TINAG: variants seen among roughly 807,000 people sequenced by gnomAD.
TINAG encodes the protein tubulointerstitial nephritis antigen.
In TINAG, 83 loss-of-function variants were observed where a neutral mutation model predicts 72.7. That is an observed-to-expected ratio of 1.14 (90% CI 0.96 to 1.37). The LOEUF (loss-of-function observed/expected upper bound fraction) is 1.37. Among genes scored for constraint, TINAG ranks in the 40% most tolerant of loss-of-function variants. The probability of loss-of-function intolerance (pLI) is 0.00; values close to 1 mark genes in which losing one functional copy is unlikely to be tolerated. For synonymous variants in TINAG, 234 were observed against 189.9 expected (o/e 1.23, Z -1.91); for missense variants, 685 against 576.6 (o/e 1.19, Z -1.93).
chr6:54,379,074 G>A (rs993910507), intron 9 of TINAG, among the ~76,000 whole-genome samples: 21 of 152,122 alleles, frequency 1.4e-4, no homozygotes. Context: ...TTCTAGGAAT[G>A]TTTGTTCTGT....
At chr6:54,315,402 C>T (rs932414784) in intron 1 of TINAG, among the ~76,000 whole-genome samples, 31 of 152,108 alleles carry the variant, frequency 2.0e-4, no homozygotes, top group African/African-American at 7.0e-4. Flanking sequence ...GGTGTGGTGG[C>T]TCACACCTGT....
At chr6:54,309,205 C>G (rs1784182742) in intron 1 of TINAG, among the ~76,000 whole-genome samples, 1 of 152,084 alleles carries the variant, frequency 6.6e-6, no homozygotes, top group Non-Finnish European at 1.5e-5. Context: ...TAAACTCTTT[C>G]TTCTGTTCTC....
At position 54,355,937 on chromosome 6, in the gene TINAG, T is replaced by G. The variant is rs142052543; in HGVS notation, c.1250+1301T>G. 5.7e-3 allele frequency among the ~76,000 whole-genome samples: 872 copies of G among 152,032 alleles called. 11 individuals carry two copies. Among genetic ancestry groups the G allele is most frequent in the African/African-American group, 0.02 (829 of 41,526 alleles). On this transcript the variant is annotated intron_variant, in intron 9 of 10. Transcript: ENST00000259782. Reference sequence around the variant, plus strand: ...AGATAGTGCAGTACTTCAAATTTTTTGAAAAGGAAAATTTTGCTAATGTTT... The same window carrying G: ...AGATAGTGCAGTACTTCAAATTTTTGGAAAAGGAAAATTTTGCTAATGTTT...
intron 8 of TINAG, among the ~76,000 whole-genome samples, chr6:54,353,898 C>T (rs970441417): frequency 1.3e-5 from 2 of 151,800 alleles, no homozygotes; most frequent in Admixed American, 1.3e-4. Context: ...AAGCAGCACA[C>T]AATAGAGAGA....
intron 5 of TINAG, among the ~76,000 whole-genome samples, chr6:54,344,244 C>A (rs1385415998): frequency 6.6e-6 from 1 of 152,168 alleles, no homozygotes; most frequent in Non-Finnish European, 1.5e-5. Context: ...CAGAGAAATG[C>A]TGACATCTTT....
At chr6:54,374,572 A>G (rs369016883) in intron 9 of TINAG, among the ~76,000 whole-genome samples, 16 of 152,138 alleles carry the variant, frequency 1.1e-4, no homozygotes, top group African/African-American at 3.6e-4. Context: ...TAGAACATGT[A>G]TAAGAAAATA....
chr6:54,328,866 G>C (rs112248036), intron 4 of TINAG, among the ~76,000 whole-genome samples: 3 of 151,620 alleles, frequency 2.0e-5, no homozygotes, highest in Non-Finnish European at 4.4e-5. Context: ...GCAGAAGAAA[G>C]GATATGAGAG....
intron 6 of TINAG, among the ~76,000 whole-genome samples, chr6:54,348,743 T>C (rs1429972640): frequency 6.6e-6 from 1 of 152,156 alleles, no homozygotes; most frequent in African/African-American, 2.4e-5. Context: ...CTTCAACATA[T>C]GAATTTTAAA....
At chr6:54,361,868 G>C (rs1437694345) in intron 9 of TINAG, among the ~76,000 whole-genome samples, 1 of 151,642 alleles carries the variant, frequency 6.6e-6, no homozygotes, top group African/African-American at 2.4e-5. Context: ...AAGTTTTAGT[G>C]GACTGGAAAG....
chr6:54,387,651 T>G (rs1193804594), intron 10 of TINAG, among the ~76,000 whole-genome samples: 1 of 152,150 alleles, frequency 6.6e-6, no homozygotes, highest in Non-Finnish European at 1.5e-5. Context: ...CATAAACACA[T>G]GTATAAATTT....
intron 9 of TINAG, among the ~76,000 whole-genome samples, chr6:54,364,633 A>G (rs933781336): frequency 2.0e-5 from 3 of 151,428 alleles, no homozygotes; most frequent in Admixed American, 6.6e-5. Context: ...TAAAAAAGTA[A>G]TTATGTAATA....
At position 54,326,807 on chromosome 6, in the gene TINAG, C is replaced by A. The variant is rs1234448210; in HGVS notation, c.515C>A (p.Thr172Lys). Reference protein sequence around the residue: ...EQVNKGDYGWTAQNYSQFWGM... With the variant: ...EQVNKGDYGWKAQNYSQFWGM... The stretch of plus-strand genomic sequence containing the variant: ...TTCTCTCATTTGTAAGGCAGATGGA[C>A]AGCACAGAATTACAGCCAATTTTGG... Residue 172 changes from threonine to lysine, a missense_variant, in exon 4 of 11, where the codon ACA (threonine) becomes AAA (lysine). Physicochemically the swap from Thr to Lys is moderately conservative, Grantham distance 78. Coordinates refer to ENST00000259782, the MANE Select transcript of TINAG (RefSeq NM_014464.4). 1.2e-6 allele frequency: 2 copies of A among 1,602,042 alleles called. No individual in the cohort carries two copies. The highest frequency in any genetic ancestry group is 1.7e-6 in the Non-Finnish European group (2 of 1,176,390).
intron 4 of TINAG, among the ~76,000 whole-genome samples, chr6:54,337,663 C>T (rs1055488589): frequency 6.6e-6 from 1 of 152,070 alleles, no homozygotes; most frequent in Non-Finnish European, 1.5e-5. Context: ...CTGTGGAAAC[C>T]AAAACGTTCA....
chr6:54,308,764 A>C lies in TINAG; in HGVS notation c.214A>C (p.Thr72Pro). ...TGAAGACAGAGATGATGGCTGTGTC[A>C]CTGAGTTCTATGCGGCGAATGCGTT... ...CCEDRDDGCVTEFYAANALCY... is the reference protein window; with the variant it reads ...CCEDRDDGCVPEFYAANALCY... Residue 72 changes from threonine to proline, a missense_variant, in exon 1 of 11, where the codon ACT (threonine) becomes CCT (proline). Transcript: ENST00000259782. 1 of 1,613,894 alleles carries C rather than the reference A, an allele frequency of 6.2e-7. No individual in the cohort carries two copies. The highest frequency in any genetic ancestry group is 8.5e-7 in the Non-Finnish European group (1 of 1,179,892).
intron 9 of TINAG, among the ~76,000 whole-genome samples, chr6:54,355,041 T>A (rs1244717292): frequency 1.3e-5 from 2 of 151,952 alleles, no homozygotes; most frequent in African/African-American, 4.8e-5. Flanking sequence ...TATAATTCAA[T>A]ATAAGGTTAC....
In TINAG at chr6:54,308,775, T is replaced by G; in HGVS notation, c.225T>G (p.Tyr75Ter). Reference sequence around the variant, plus strand: ...ATGATGGCTGTGTCACTGAGTTCTATGCGGCGAATGCGTTGTGCTACTGTG... The same window carrying G: ...ATGATGGCTGTGTCACTGAGTTCTAGGCGGCGAATGCGTTGTGCTACTGTG... ...DRDDGCVTEF[Y>*]AANALCYCDK... Residue 75 changes from tyrosine (Y) to a stop codon, truncating the protein, a stop_gained, in exon 1 of 11, where the codon TAT (tyrosine) becomes TAG (stop). Coordinates refer to ENST00000259782, the MANE Select transcript of TINAG (RefSeq NM_014464.4). LOFTEE classifies it high-confidence loss of function. The G allele has an allele frequency of 6.2e-7, 1 of 1,613,888 alleles. No individual in the cohort carries two copies. The highest frequency in any genetic ancestry group is 8.5e-7 in the Non-Finnish European group (1 of 1,179,882).
intron 9 of TINAG, among the ~76,000 whole-genome samples, chr6:54,367,926 GCTCT>G (rs1763483543): frequency 6.6e-6 from 1 of 151,658 alleles, no homozygotes; most frequent in East Asian, 1.9e-4. Flanking sequence ...ACACAGGGGA[GCTCT>G]CTATGGTGTC....
chr6:54,348,006 G>A (rs189342681), intron 6 of TINAG, among the ~76,000 whole-genome samples: 54 of 152,140 alleles, frequency 3.5e-4, no homozygotes, highest in African/African-American at 1.3e-3. Context: ...ATGAAAAATG[G>A]GGGCTGCATT....
At position 54,320,611 on chromosome 6, in the gene TINAG, G is replaced by A. The variant is rs748704001; in HGVS notation, c.388G>A (p.Gly130Arg). 2 of 1,606,548 alleles carry A rather than the reference G, an allele frequency of 1.2e-6. No homozygotes were observed. The highest frequency in any genetic ancestry group is 1.7e-5 in the Admixed American group (1 of 59,620). Residue 130 changes from glycine (G) to arginine (R), a missense_variant, in exon 2 of 11, where the codon GGA becomes AGA. Coordinates refer to ENST00000259782, the MANE Select transcript of TINAG (RefSeq NM_014464.4). ...CAAAGATGGTCAACATTATGAAGAG[G>A]GATCAGTAATTAAAGAAAACTGCAA... ...CFKDGQHYEE[G>R]SVIKENCNSC...
Sources: allele counts gnomAD v4.1 joint callset (sites outside exome capture counted in the v4.1 genomes callset), GRCh38; gene constraint gnomAD v4.1.1; transcripts MANE v1.5; gene names NCBI Gene and HGNC (gene_info 2026-07-23, HGNC 2026-07-21).